The following FAM169A variants were observed in gnomAD, a reference collection of about 807,000 sequenced individuals.
The protein encoded by FAM169A is family with sequence similarity 169 member A.
FAM169A carries 24 observed loss-of-function variants against 75.7 expected under a neutral mutation model. That is an observed-to-expected ratio of 0.32 (90% CI 0.23 to 0.45). FAM169A has a LOEUF of 0.45. Ranked by LOEUF, FAM169A falls within the 20% of genes least tolerant of loss-of-function variation. The probability of loss-of-function intolerance (pLI) is 1.00; values close to 1 mark genes in which losing one functional copy is unlikely to be tolerated. For missense variants in FAM169A, 673 were observed against 784.0 expected (o/e 0.86, Z 1.69); for synonymous variants, 271 against 271.0 (o/e 1.00, Z 0.00).
chr5:74,866,756 C>T, upstream of FAM169A: 3 of 985,518 alleles, frequency 3.0e-6, no homozygotes, highest in Non-Finnish European at 3.6e-6. Flanking sequence ...CCGACCTTCG[C>T]AGGATTCTGT....
intron 1 of FAM169A, among the ~76,000 whole-genome samples, chr5:74,843,906 G>A (rs1749013109): frequency 6.6e-6 from 1 of 152,178 alleles, no homozygotes; most frequent in African/African-American, 2.4e-5. Context: ...GTTACTGAAA[G>A]TGAGACAACC....
chr5:74,840,223 C>T lies in FAM169A; in HGVS notation c.133-50G>A, dbSNP rs570749352. The T allele has an allele frequency of 3.0e-5, 24 of 795,466 alleles. No homozygotes were observed. The South Asian group carries it at 3.8e-4, about 13-fold the overall frequency. The allele number at this position is 795,466 out of a possible 1,614,324, so 49.3% of individuals were successfully genotyped here. ...TAGTGAACAGTCTGTTAAGAAAATA[C>T]ATTAAAAAAATCAATCTTTTATCAA... On this transcript the variant is annotated intron_variant, in intron 2 of 12. Transcript: ENST00000687041.
chr5:74,864,210 T>C (rs766553815), intron 1 of FAM169A, among the ~76,000 whole-genome samples: 7 of 152,238 alleles, frequency 4.6e-5, no homozygotes, highest in Non-Finnish European at 1.0e-4. Flanking sequence ...ATTATTTTGT[T>C]TTCTCCAAAT....
chr5:74,797,615 C>A (rs1260227540), intron 10 of FAM169A, among the ~76,000 whole-genome samples: 1 of 152,204 alleles, frequency 6.6e-6, no homozygotes, highest in African/African-American at 2.4e-5. Context: ...GACTATTTTA[C>A]ATTTAAATTA....
intron 1 of FAM169A, among the ~76,000 whole-genome samples, chr5:74,857,766 A>G (rs1561329139): frequency 6.6e-6 from 1 of 152,014 alleles, no homozygotes; most frequent in East Asian, 1.9e-4. Flanking sequence ...CCAGCCAACA[A>G]ACTAGTCAAA....
Position 74,779,026 on chromosome 5 carries a change from T to G in FAM169A, c.*2434A>C, listed in dbSNP as rs1163112177. 3 of 152,128 alleles carry G rather than the reference T, an allele frequency of 2.0e-5. No homozygotes were observed. The highest frequency in any genetic ancestry group is 7.2e-5 in the African/African-American group (3 of 41,452). 9.4% of individuals were successfully genotyped at this position (152,128 alleles called of 1,614,324 possible). On this transcript the variant is annotated 3_prime_UTR_variant, in exon 13 of 13. Coordinates refer to ENST00000687041, the MANE Select transcript of FAM169A (RefSeq NM_001376049.1). The stretch of plus-strand genomic sequence containing the variant: ...GTTAGGTTTTTCCAAGTGATCTAAC[T>G]TTTCCCTCTATAATCTATAAACCCC...
At chr5:74,784,461 G>GGC (rs1438108198) in intron 11 of FAM169A, among the ~76,000 whole-genome samples, 1 of 123,690 alleles carries the variant, frequency 8.1e-6, no homozygotes, top group Non-Finnish European at 1.6e-5. Context: ...GAGCCAGAGA[G>GGC]ATCATGCCAC....
intron 1 of FAM169A, 47 bp downstream of exon 1, chr5:74,866,118 C>T (rs1438762509): frequency 1.1e-6 from 1 of 930,862 alleles, no homozygotes; most frequent in Non-Finnish European, 1.3e-6. Context: ...GCGCGGCCGT[C>T]TCGGCCTCAC....
intron 10 of FAM169A, among the ~76,000 whole-genome samples, chr5:74,798,014 G>A (rs1746367828): frequency 6.6e-6 from 1 of 152,242 alleles, no homozygotes; most frequent in Non-Finnish European, 1.5e-5. Context: ...ACAGGCCATA[G>A]TTGGTGGACC....
chr5:74,853,243 C>G (rs1749533785), intron 1 of FAM169A, among the ~76,000 whole-genome samples: 1 of 152,140 alleles, frequency 6.6e-6, no homozygotes, highest in Non-Finnish European at 1.5e-5. Flanking sequence ...ATGTCATTTA[C>G]AATCTTTTTT....
intron 4 of FAM169A, among the ~76,000 whole-genome samples, chr5:74,836,746 G>A (rs978763867): frequency 3.9e-5 from 6 of 152,098 alleles, no homozygotes; most frequent in East Asian, 3.9e-4. Flanking sequence ...TCAAGAGTTC[G>A]AAACCAGCCT....
At chr5:74,839,653 T>C (rs1748755719) in intron 3 of FAM169A, among the ~76,000 whole-genome samples, 3 of 151,812 alleles carry the variant, frequency 2.0e-5, no homozygotes, top group Admixed American at 1.3e-4. Context: ...ACCTCCAAAG[T>C]AGCTGGGATT....
intron 7 of FAM169A, 41 bp downstream of exon 7, chr5:74,805,111 AAAAT>A (rs1210279102): frequency 6.9e-6 from 11 of 1,590,726 alleles, no homozygotes; most frequent in African/African-American, 1.3e-5. Flanking sequence ...CAGGCTACCA[AAAAT>A]AAATAAACTG....
At position 74,801,644 on chromosome 5, in the gene FAM169A, G is replaced by T. The variant is rs183356148; in HGVS notation, c.913-15C>A. On this transcript the variant is annotated splice_polypyrimidine_tract_variant and intron_variant, in intron 8 of 12. Transcript: ENST00000687041. ...AGAGAATCAATCTAAAAAAGAGAGA[G>T]ATTCAAACCCAAAGTTTTAGACTAT... 2.5e-6 allele frequency: 4 copies of T among 1,602,130 alleles called. No individual in the cohort carries two copies. In the East Asian group the frequency reaches 8.9e-5, roughly 36 times the overall value.
intron 1 of FAM169A, among the ~76,000 whole-genome samples, chr5:74,852,003 TG>T (rs1261170456): frequency 1.6e-4 from 25 of 152,174 alleles, no homozygotes; most frequent in Admixed American, 1.5e-3. Flanking sequence ...CACAGAGATT[TG>T]TCTCATTTAG....
chr5:74,783,947 A>G (rs1425173825), intron 11 of FAM169A, among the ~76,000 whole-genome samples: 1 of 152,212 alleles, frequency 6.6e-6, no homozygotes, highest in Non-Finnish European at 1.5e-5. Flanking sequence ...TTTCCAAAAG[A>G]GAAATCACGG....
intron 1 of FAM169A, among the ~76,000 whole-genome samples, chr5:74,856,573 A>G (rs2112731593): frequency 6.6e-6 from 1 of 152,204 alleles, no homozygotes; most frequent in African/African-American, 2.4e-5. Context: ...AAATAGAGCT[A>G]GGGGAAAAAT....
intron 5 of FAM169A, among the ~76,000 whole-genome samples, chr5:74,829,536 A>C (rs949389432): frequency 4.6e-5 from 7 of 152,170 alleles, no homozygotes; most frequent in Non-Finnish European, 7.4e-5. Context: ...CCTTAAATAG[A>C]AAACTAAAAT....
intron 1 of FAM169A, among the ~76,000 whole-genome samples, chr5:74,844,934 T>C (rs1561321354): frequency 6.6e-6 from 1 of 152,230 alleles, no homozygotes; most frequent in Non-Finnish European, 1.5e-5. Context: ...CTAGTTGGCA[T>C]TTACCCAATA....
Sources: allele counts gnomAD v4.1 joint callset (sites outside exome capture counted in the v4.1 genomes callset), GRCh38; gene constraint gnomAD v4.1.1; transcripts MANE v1.5; gene names NCBI Gene and HGNC (gene_info 2026-07-23, HGNC 2026-07-21).